The following CLVS1 variants were observed in gnomAD, a reference collection of about 807,000 sequenced individuals.
CLVS1 encodes clavesin 1.
CLVS1 carries 10 observed loss-of-function variants against 33.1 expected under a neutral mutation model. The ratio of observed to expected loss-of-function variants is 0.30; its 90% CI spans 0.19 to 0.51. CLVS1 has a LOEUF of 0.51. Among genes scored for constraint, CLVS1 ranks in the 20% least tolerant of loss-of-function variants. CLVS1 has a pLI of 0.97. For synonymous variants in CLVS1, 163 were observed against 166.1 expected (o/e 0.98, Z 0.14); for missense variants, 343 against 433.4 (o/e 0.79, Z 1.85).
At chr8:61,427,417 G>A (rs1042400061) in intron 3 of CLVS1, among the ~76,000 whole-genome samples, 5 of 152,222 alleles carry the variant, frequency 3.3e-5, no homozygotes, top group African/African-American at 4.8e-5. Flanking sequence ...GACCCAACCC[G>A]ATGAGCAAGA....
intron 1 of CLVS1, among the ~76,000 whole-genome samples, chr8:61,295,488 GACATCTGT>G (rs1810162697): frequency 6.6e-6 from 1 of 152,152 alleles, no homozygotes; most frequent in Non-Finnish European, 1.5e-5. Flanking sequence ...ATGGCAACTG[GACATCTGT>G]AAGGCAGAGT....
chr8:61,333,950 T>G (rs1395987035), intron 2 of CLVS1, among the ~76,000 whole-genome samples: 1 of 152,130 alleles, frequency 6.6e-6, no homozygotes, highest in Non-Finnish European at 1.5e-5. Context: ...TGAGAACATG[T>G]GGTATTTGGT....
intron 1 of CLVS1, among the ~76,000 whole-genome samples, chr8:61,093,357 C>T (rs979840486): frequency 3.3e-5 from 5 of 152,174 alleles, no homozygotes; most frequent in Admixed American, 3.3e-4. Flanking sequence ...ATTTGTAATG[C>T]AGCCTCTATG....
At chr8:61,049,490 T>C in the CLVS1 span, among the ~76,000 whole-genome samples, 11 of 152,256 alleles carry the variant, frequency 7.2e-5, no homozygotes, top group Non-Finnish European at 1.2e-4. Context: ...TTCATCAATT[T>C]GATTTGGTTA....
intron 2 of CLVS1, among the ~76,000 whole-genome samples, chr8:61,277,634 G>C (rs774470939): frequency 3.2e-4 from 49 of 152,178 alleles, no homozygotes; most frequent in Admixed American, 1.1e-3. Context: ...CAAATGCTTG[G>C]GGGGGTAGGG....
At chr8:61,009,446 C>T in the CLVS1 span, among the ~76,000 whole-genome samples, 43 of 152,272 alleles carry the variant, frequency 2.8e-4, no homozygotes, top group African/African-American at 7.7e-4. Context: ...CTGTGCCTGG[C>T]AAATTGATAT....
chr8:61,355,981 A>G lies in CLVS1; in HGVS notation c.456-20624A>G, dbSNP rs1432048377. Among the ~76,000 whole-genome samples the G allele has an allele frequency of 2.0e-5, 3 of 152,230 alleles. No individual in the cohort carries two copies. The East Asian group carries it at 5.8e-4, about 29-fold the overall frequency. ...ATTTCTACTTCTAGATCCCTGAGGA[A>G]TCGCCACACTGACTTCCACAATGAT... is the stretch of plus-strand genomic sequence containing the variant. On this transcript the variant is annotated intron_variant, in intron 2 of 5. Transcript: ENST00000325897.
At chr8:61,016,389 T>G in the CLVS1 span, among the ~76,000 whole-genome samples, 1 of 152,206 alleles carries the variant, frequency 6.6e-6, no homozygotes, top group African/African-American at 2.4e-5. Context: ...TTAATCCCAC[T>G]CTTAAGAGGT....
the CLVS1 span, among the ~76,000 whole-genome samples, chr8:61,042,477 T>C: frequency 8.5e-6 from 1 of 117,512 alleles, no homozygotes; most frequent in Non-Finnish European, 1.7e-5. Flanking sequence ...TTTCTCACAA[T>C]TTTGGAGCCT....
intron 1 of CLVS1, among the ~76,000 whole-genome samples, chr8:61,097,390 A>G (rs563109123): frequency 6.6e-6 from 1 of 152,334 alleles, no homozygotes; most frequent in African/African-American, 2.4e-5. Context: ...AAGTATGGTG[A>G]GTGAGCATGA....
chr8:61,085,374 T>C (rs2129283217), intron 1 of CLVS1, among the ~76,000 whole-genome samples: 1 of 152,332 alleles, frequency 6.6e-6, no homozygotes, highest in Admixed American at 6.5e-5. Flanking sequence ...TCTCCTTCGC[T>C]AGACCCCAAT....
chr8:61,385,923 C>G (rs144282267), intron 3 of CLVS1, among the ~76,000 whole-genome samples: 125 of 152,288 alleles, frequency 8.2e-4, no homozygotes, highest in Middle Eastern at 3.4e-3. Flanking sequence ...CAGGCAATGA[C>G]AAGCATTTCC....
intron 1 of CLVS1, among the ~76,000 whole-genome samples, chr8:61,290,877 T>C (rs1809964525): frequency 6.6e-6 from 1 of 152,240 alleles, no homozygotes; most frequent in South Asian, 2.1e-4. Flanking sequence ...TTGATTATTG[T>C]TAATTTTATC....
At chr8:60,983,892 G>C in the CLVS1 span, among the ~76,000 whole-genome samples, 2 of 152,240 alleles carry the variant, frequency 1.3e-5, no homozygotes, top group South Asian at 4.1e-4. Flanking sequence ...TCCTTTTCCT[G>C]GTAGAGCTAC....
At chr8:60,966,627 C>T in the CLVS1 span, 1 of 220,304 alleles carries the variant, frequency 4.5e-6, no homozygotes, top group Non-Finnish European at 9.4e-6. Context: ...CTTAGGTACC[C>T]ATCATTTGGG....
At chr8:60,967,623 T>C in the CLVS1 span, 1 of 455,958 alleles carries the variant, frequency 2.2e-6, no homozygotes, top group Non-Finnish European at 4.4e-6. Flanking sequence ...TGGCTGCCTC[T>C]GGCTCCTTTA....
chr8:61,484,444 G>C (rs1266727096), intron 5 of CLVS1, among the ~76,000 whole-genome samples: 3 of 152,112 alleles, frequency 2.0e-5, no homozygotes, highest in Non-Finnish European at 4.4e-5. Context: ...AAATAAAAGA[G>C]GATACAAACA....
chr8:61,373,712 T>C (rs1187919601), intron 2 of CLVS1, among the ~76,000 whole-genome samples: 1 of 152,238 alleles, frequency 6.6e-6, no homozygotes, highest in East Asian at 1.9e-4. Flanking sequence ...CTCCTTGATC[T>C]TTTTTCTTCA....
At chr8:61,441,776 TG>T (rs1816557893) in intron 3 of CLVS1, among the ~76,000 whole-genome samples, 1 of 152,112 alleles carries the variant, frequency 6.6e-6, no homozygotes, top group Admixed American at 6.5e-5. Context: ...GAGTGATGCT[TG>T]TATAGTGCCA....
Sources: gnomAD v4.1 joint callset for allele counts (sites outside exome capture counted in the v4.1 genomes callset) on GRCh38, gnomAD v4.1.1 for gene constraint, MANE v1.5 for transcripts, NCBI Gene and HGNC (gene_info 2026-07-23, HGNC 2026-07-21) for gene names.